ESRRG: variants seen among roughly 807,000 people sequenced by gnomAD.
The protein encoded by ESRRG is estrogen related receptor gamma.
Under a neutral mutation model 44.0 loss-of-function variants are expected in ESRRG, and 13 were observed. The observed-to-expected ratio is 0.30, with a 90% CI of 0.19 to 0.47. The LOEUF is 0.47. Among genes scored for constraint, ESRRG ranks in the 20% least tolerant of loss-of-function variants. ESRRG has a pLI of 1.00. For synonymous variants in ESRRG, 215 were observed against 214.6 expected, an observed-to-expected ratio of 1.00 and a Z score of -0.02; for missense variants, 395 against 580.6, an observed-to-expected ratio of 0.68 and a Z score of 3.29.
At chr1:216,914,937 A>T (rs2060953527) in intron 2 of ESRRG, among the ~76,000 whole-genome samples, 1 of 152,122 alleles carries the variant, frequency 6.6e-6, no homozygotes, top group African/African-American at 2.4e-5. Context: ...CACAGGAGGG[A>T]TTTGTTTTTA....
At chr1:217,047,370 G>C (rs887308800) in intron 1 of ESRRG, among the ~76,000 whole-genome samples, 15 of 151,972 alleles carry the variant, frequency 9.9e-5, no homozygotes, top group Admixed American at 9.8e-4. Flanking sequence ...TTTGCATCTT[G>C]GTAAATGGCA....
intron 2 of ESRRG, among the ~76,000 whole-genome samples, chr1:216,782,922 G>A (rs889556469): frequency 1.6e-4 from 25 of 152,036 alleles, no homozygotes; most frequent in African/African-American, 6.0e-4. Context: ...TTGAATCAAT[G>A]AGAAATTTGG....
chr1:216,837,058 T>A (rs933122690), intron 2 of ESRRG, among the ~76,000 whole-genome samples: 4 of 152,060 alleles, frequency 2.6e-5, no homozygotes, highest in African/African-American at 9.7e-5. Context: ...ATAATAAAAT[T>A]ACACATGATA....
intron 3 of ESRRG, among the ~76,000 whole-genome samples, chr1:216,625,028 CT>C (rs2062929710): frequency 6.6e-6 from 1 of 152,044 alleles, no homozygotes. Context: ...CACCAAATAT[CT>C]CAATTCTTTC....
At chr1:216,589,455 C>T (rs1315260524) in intron 3 of ESRRG, among the ~76,000 whole-genome samples, 1 of 151,736 alleles carries the variant, frequency 6.6e-6, no homozygotes, top group Non-Finnish European at 1.5e-5. Flanking sequence ...CTGATGTGAC[C>T]CAGGAAAGCC....
At chr1:216,516,666 C>CAGAGAGAGAGAG (rs777077033) in intron 6 of ESRRG, among the ~76,000 whole-genome samples, 2 of 128,380 alleles carry the variant, frequency 1.6e-5, no homozygotes, top group Admixed American at 1.5e-4. Context: ...CACACACACA[C>CAGAGAGAGAGAG]ACAGAGAGAG....
At chr1:217,087,397 G>T (rs986659819) in intron 1 of ESRRG, among the ~76,000 whole-genome samples, 1 of 152,224 alleles carries the variant, frequency 6.6e-6, no homozygotes, top group African/African-American at 2.4e-5. Flanking sequence ...GCGGTAATAA[G>T]TGGTGCTCAG....
chr1:216,750,879 A>G (rs1385202815), intron 2 of ESRRG, among the ~76,000 whole-genome samples: 1 of 152,156 alleles, frequency 6.6e-6, no homozygotes, highest in Non-Finnish European at 1.5e-5. Flanking sequence ...TTCATAAGAA[A>G]TACCTTAGGA....
intron 2 of ESRRG, among the ~76,000 whole-genome samples, chr1:216,734,841 AT>A (rs2089548159): frequency 6.6e-6 from 1 of 151,238 alleles, no homozygotes; most frequent in Non-Finnish European, 1.5e-5. Flanking sequence ...TGACTTATGA[AT>A]TTCCCCCCTC....
intron 1 of ESRRG, among the ~76,000 whole-genome samples, chr1:217,085,334 TAAAAG>T (rs2092010732): frequency 6.6e-6 from 1 of 152,130 alleles, no homozygotes; most frequent in Admixed American, 6.5e-5. Flanking sequence ...AATCATCTCT[TAAAAG>T]AAGGCCCCGT....
At chr1:217,045,800 C>T (rs1366210735) in intron 1 of ESRRG, among the ~76,000 whole-genome samples, 1 of 152,050 alleles carries the variant, frequency 6.6e-6, no homozygotes, top group Non-Finnish European at 1.5e-5. Context: ...ACCCTGAAAG[C>T]CTCCCTTGGG....
rs77094478 is a variant in ESRRG at position 216,506,618 on chromosome 1, G to A, written c.*321C>T. ...AAGAAAAGAAAGAAGGCAGGCAGAC[G>A]GGAAGAAAATAAAGGAGAATGGGAA... is the stretch of plus-strand genomic sequence containing the variant. On this transcript the variant is annotated 3_prime_UTR_variant, in exon 7 of 7. Coordinates refer to ENST00000408911, the MANE Select transcript of ESRRG (RefSeq NM_001438.4). 87 of 489,570 alleles carry A rather than the reference G, an allele frequency of 1.8e-4. 1 individual carries two copies. In the Middle Eastern group the frequency reaches 5.2e-3, roughly 29 times the overall value. The allele number at this position is 489,570 out of a possible 1,614,324, so 30.3% of individuals were successfully genotyped here. A position where few individuals can be genotyped will look rare whatever the true frequency, so the allele number is the denominator to read the frequency against.
At chr1:217,040,149 G>T (rs756288724) in intron 1 of ESRRG, among the ~76,000 whole-genome samples, 13 of 152,124 alleles carry the variant, frequency 8.5e-5, no homozygotes, top group Non-Finnish European at 1.6e-4. Context: ...AAATCTTCTG[G>T]TTCATAAGAA....
chr1:217,065,865 T>A (rs193035806), intron 1 of ESRRG, among the ~76,000 whole-genome samples: 103 of 152,318 alleles, frequency 6.8e-4, no homozygotes, highest in Non-Finnish European at 1.3e-3. Flanking sequence ...AATAAAAGCT[T>A]GAGCGACCAG....
At chr1:216,887,948 A>T (rs1485543816) in intron 2 of ESRRG, among the ~76,000 whole-genome samples, 1 of 152,048 alleles carries the variant, frequency 6.6e-6, no homozygotes, top group Non-Finnish European at 1.5e-5. Flanking sequence ...TTGAATATTC[A>T]TTGTTATGGT....
intron 1 of ESRRG, among the ~76,000 whole-genome samples, chr1:217,088,212 A>C (rs1256008403): frequency 1.3e-5 from 2 of 152,120 alleles, no homozygotes; most frequent in Non-Finnish European, 2.9e-5. Context: ...TGTGAGAAAC[A>C]AATGAGAGTT....
At chr1:216,718,190 C>T (rs1051910012) in intron 1 of ESRRG, among the ~76,000 whole-genome samples, 5 of 151,714 alleles carry the variant, frequency 3.3e-5, no homozygotes, top group Non-Finnish European at 7.4e-5. Context: ...TAAAATCATG[C>T]CTGGCAAATT....
intron 2 of ESRRG, among the ~76,000 whole-genome samples, chr1:216,890,452 GAATAC>G (rs956800641): frequency 1.3e-5 from 2 of 152,068 alleles, no homozygotes; most frequent in Non-Finnish European, 2.9e-5. Context: ...ATGCAAAAGT[GAATAC>G]AATACAATTC....
Position 216,692,578 on chromosome 1 carries a change from A to C in ESRRG, c.57-15087T>G, listed in dbSNP as rs918873280. Among the ~76,000 whole-genome samples the C allele has an allele frequency of 2.0e-3, 298 of 152,268 alleles. 1 individual carries two copies. The highest frequency in any genetic ancestry group is 7.1e-3 in the African/African-American group (294 of 41,536). ...TACCAGTGAACAAAGAAAATTTTTA[A>C]ATAAATGTACTGTCACCTAAGTGTA... On this transcript the variant is annotated intron_variant, in intron 1 of 6. Transcript: ENST00000408911.
Sources: allele counts gnomAD v4.1 joint callset (sites outside exome capture counted in the v4.1 genomes callset), GRCh38; gene constraint gnomAD v4.1.1; transcripts MANE v1.5; gene names NCBI Gene and HGNC (gene_info 2026-07-23, HGNC 2026-07-21).